Variants in DNM2 observed in about 807,000 individuals in gnomAD.
The protein encoded by DNM2 is dynamin-2.
A neutral mutation model predicts 99.0 loss-of-function variants in DNM2; 15 were observed. The observed-to-expected ratio is 0.15, with a 90% CI of 0.10 to 0.23. The LOEUF (loss-of-function observed/expected upper bound fraction) is 0.23, where lower values mean the gene tolerates loss of function less well. DNM2 is among the 10% of genes least tolerant of loss of function. The probability of loss-of-function intolerance (pLI) is 1.00; values close to 1 mark genes in which losing one functional copy is unlikely to be tolerated. For synonymous variants in DNM2, 525 were observed against 481.2 expected, an observed-to-expected ratio of 1.09 and a Z score of -1.19; for missense variants, 742 against 1,189.4, an observed-to-expected ratio of 0.62 and a Z score of 5.53.
At chr19:10,804,269 C>T (rs1356221239) in intron 12 of DNM2, among the ~76,000 whole-genome samples, 1 of 152,144 alleles carries the variant, frequency 6.6e-6, no homozygotes, top group African/African-American at 2.4e-5. Flanking sequence ...TGGAACCTCA[C>T]TGTCACCCAG....
chr19:10,727,372 T>C (rs2068001129), intron 1 of DNM2, among the ~76,000 whole-genome samples: 1 of 152,016 alleles, frequency 6.6e-6, no homozygotes, highest in South Asian at 2.1e-4. Context: ...TTTTCTTTTT[T>C]TGTTTTTTTT....
At chr19:10,728,014 G>T (rs1044274838) in intron 1 of DNM2, among the ~76,000 whole-genome samples, 1 of 152,176 alleles carries the variant, frequency 6.6e-6, no homozygotes. Flanking sequence ...TCTGAAGCAG[G>T]ACTGCAAAGA....
In DNM2 at chr19:10,797,554, C is replaced by T. The variant is rs202147009; in HGVS notation, c.1335+36C>T. 14 of 1,613,470 alleles carry T rather than the reference C, an allele frequency of 8.7e-6. No individual in the cohort carries two copies. In the East Asian group the frequency reaches 8.9e-5, roughly 10 times the overall value. On this transcript the variant is annotated intron_variant, in intron 10 of 20. Coordinates refer to ENST00000389253, the MANE Select transcript of DNM2 (RefSeq NM_001005361.3). ...TTGTTCTCATCTCCGCATTTGTCCCCGTCCTCCCCCTCCATGTGTTAGTCT... is the reference window on the plus strand; with the variant it reads ...TTGTTCTCATCTCCGCATTTGTCCCTGTCCTCCCCCTCCATGTGTTAGTCT...
chr19:10,793,642 C>A, intron 7 of DNM2, 78 bp from the exon 8 acceptor site: 4 of 1,613,398 alleles, frequency 2.5e-6, no homozygotes, highest in Non-Finnish European at 3.4e-6. Context: ...ACAGTAAACC[C>A]TGGCTTGACT....
chr19:10,768,052 T>C (rs899718290), intron 2 of DNM2, among the ~76,000 whole-genome samples: 1 of 152,216 alleles, frequency 6.6e-6, no homozygotes, highest in African/African-American at 2.4e-5. Flanking sequence ...TGTTGCTCAC[T>C]GACCCACTAG....
Position 10,787,712 on chromosome 19 carries a change from G to A in DNM2, c.992+1006G>A, listed in dbSNP as rs190881192. Among the ~76,000 whole-genome samples the A allele has an allele frequency of 1.8e-3, 256 of 144,036 alleles. 2 individuals carry two copies. Among genetic ancestry groups the A allele is most frequent in the Middle Eastern group, 3.7e-3 (1 of 268 alleles). 94.5% of individuals were successfully genotyped at this position (144,036 alleles called of 152,430 possible). On this transcript the variant is annotated intron_variant, in intron 7 of 20. Coordinates refer to ENST00000389253, the MANE Select transcript of DNM2 (RefSeq NM_001005361.3). ...GGAGCTTGCAGTGAGCTGAGATCAC[G>A]CCACTGCACTCCAGCCTGGGTGATC...
At chr19:10,744,017 A>G (rs2069866801) in intron 1 of DNM2, among the ~76,000 whole-genome samples, 1 of 147,812 alleles carries the variant, frequency 6.8e-6, no homozygotes, top group Admixed American at 6.8e-5. Context: ...AATTAGCCAG[A>G]CGTGGTAGCA....
At position 10,741,356 on chromosome 19, in the gene DNM2, C is replaced by T. The variant is rs140654592; in HGVS notation, c.162-18382C>T. ...ACATGATCCTCCCACCTCTGCCTCC[C>T]GAGTAGCTGGGACCACAGGCGTGTG... On this transcript the variant is annotated intron_variant, in intron 1 of 20. Coordinates refer to ENST00000389253, the MANE Select transcript of DNM2 (RefSeq NM_001005361.3). Among the ~76,000 whole-genome samples, 1,217 of 152,006 alleles carry T rather than the reference C, an allele frequency of 8.0e-3. 19 individuals carry two copies. The highest frequency in any genetic ancestry group is 0.028 in the African/African-American group (1,153 of 41,442).
At chr19:10,754,537 C>G (rs2070318541) in intron 1 of DNM2, among the ~76,000 whole-genome samples, 1 of 152,062 alleles carries the variant, frequency 6.6e-6, no homozygotes, top group Non-Finnish European at 1.5e-5. Context: ...AGGCGTGACC[C>G]ACTACAACTG....
At chr19:10,746,635 G>A (rs2069981818) in intron 1 of DNM2, among the ~76,000 whole-genome samples, 2 of 150,716 alleles carry the variant, frequency 1.3e-5, no homozygotes, top group Admixed American at 6.6e-5. Context: ...GGTCAGGCTG[G>A]TCTCGAACTC....
Position 10,830,880 on chromosome 19 carries a change from G to A in DNM2, c.2544-98G>A. The stretch of plus-strand genomic sequence containing the variant: ...GTCAGCCTGGGAACACCCTGGGGTG[G>A]TGTGTGGGTGGGGGCTGGGTCCTCA... On this transcript the variant is annotated intron_variant, in intron 20 of 20. Transcript: ENST00000389253. The surrounding 1 kb of genome is among the most constrained non-coding windows in gnomAD (Gnocchi z 4.8). 7.1e-7 allele frequency: 1 copy of A among 1,411,558 alleles called. No homozygotes were observed. The allele number at this position is 1,411,558 out of a possible 1,614,324, so 87.4% of individuals were successfully genotyped here.
At chr19:10,728,236 C>G (rs1432210244) in intron 1 of DNM2, among the ~76,000 whole-genome samples, 1 of 152,204 alleles carries the variant, frequency 6.6e-6, no homozygotes, top group Non-Finnish European at 1.5e-5. Flanking sequence ...TGTGCAAGAT[C>G]TGACCAGTGT....
chr19:10,766,179 T>C (rs983218666), intron 2 of DNM2, among the ~76,000 whole-genome samples: 3 of 152,178 alleles, frequency 2.0e-5, no homozygotes, highest in Non-Finnish European at 2.9e-5. Context: ...GTCTTTTCTG[T>C]TGGGCTGAAG....
At chr19:10,819,685 G>T (rs969281323) in intron 15 of DNM2, among the ~76,000 whole-genome samples, 1 of 152,140 alleles carries the variant, frequency 6.6e-6, no homozygotes, top group South Asian at 2.1e-4. Context: ...GGGAGGGTGC[G>T]GGTAGAGTTA....
chr19:10,765,701 C>G lies in DNM2; in HGVS notation c.235+5890C>G, dbSNP rs2070776527. Among the ~76,000 whole-genome samples the G allele has an allele frequency of 6.6e-6, 1 of 152,198 alleles. No homozygotes were observed. The highest frequency in any genetic ancestry group is 1.5e-5 in the Non-Finnish European group (1 of 68,038). Reference sequence around the variant, plus strand: ...CACTTCTTGGTCTGCTGAAGGCTCTCAAAAGTCCTGCATGAGTGGATCCTG... The same window carrying G: ...CACTTCTTGGTCTGCTGAAGGCTCTGAAAAGTCCTGCATGAGTGGATCCTG... On this transcript the variant is annotated intron_variant, in intron 2 of 20. Coordinates refer to ENST00000389253, the MANE Select transcript of DNM2 (RefSeq NM_001005361.3). This position sits in a 1 kb window ranked among gnomAD's most constrained non-coding sequence, Gnocchi z 4.4.
chr19:10,782,865 A>C, intron 5 of DNM2, 95 bp from the exon 6 acceptor site: 169 of 1,477,422 alleles, frequency 1.1e-4, no homozygotes, highest in Middle Eastern at 2.0e-4. Flanking sequence ...CTCGTGGGAC[A>C]GGATCCATCT....
intron 1 of DNM2, among the ~76,000 whole-genome samples, chr19:10,726,943 A>G (rs1393004612): frequency 6.6e-6 from 1 of 152,186 alleles, no homozygotes; most frequent in African/African-American, 2.4e-5. Flanking sequence ...TCAACTCGCT[A>G]CTCAGAGGGA....
At chr19:10,788,523 A>C (rs1473166344) in intron 7 of DNM2, among the ~76,000 whole-genome samples, 1 of 152,116 alleles carries the variant, frequency 6.6e-6, no homozygotes, top group East Asian at 1.9e-4. Context: ...GTCAGGACTG[A>C]CTCAGGTGCT....
At chr19:10,801,330 T>C (rs2072133406) in intron 11 of DNM2, among the ~76,000 whole-genome samples, 1 of 148,726 alleles carries the variant, frequency 6.7e-6, no homozygotes, top group Admixed American at 6.7e-5. Context: ...AAGAAAAAAA[T>C]ACAAGGCAGT....
Sources: allele counts gnomAD v4.1 joint callset (sites outside exome capture counted in the v4.1 genomes callset), GRCh38; gene constraint gnomAD v4.1.1; non-coding constraint Gnocchi (gnomAD v3.1); transcripts MANE v1.5; gene names NCBI Gene and HGNC (gene_info 2026-07-23, HGNC 2026-07-21).